The following CBLB variants were observed in gnomAD, a reference collection of about 807,000 sequenced individuals.
CBLB encodes E3 ubiquitin-protein ligase CBL-B.
In CBLB, 31 loss-of-function variants were observed where a neutral mutation model predicts 104.9. The ratio of observed to expected loss-of-function variants is 0.30; its 90% CI spans 0.22 to 0.40. The LOEUF is 0.40. Ranked by LOEUF, CBLB falls within the 10% of genes least tolerant of loss-of-function variation. The probability of loss-of-function intolerance (pLI) is 1.00; values close to 1 mark genes in which losing one functional copy is unlikely to be tolerated. For synonymous variants in CBLB, 440 were observed against 422.6 expected (o/e 1.04, Z -0.51); for missense variants, 1,062 against 1,214.6 (o/e 0.87, Z 1.87).
rs2072572121 is a variant in CBLB, at chr3:105,720,143, G to C, written c.1311C>G (p.Ser437Arg). 3.1e-6 allele frequency: 5 copies of C among 1,613,826 alleles called. No homozygotes were observed. Among genetic ancestry groups the C allele is most frequent in the Non-Finnish European group, 4.2e-6 (5 of 1,179,806 alleles). Reference protein sequence around the residue: ...DPRDEGSRCCSIIDPFGMPML... With the variant: ...DPRDEGSRCCRIIDPFGMPML... Reference sequence around the variant, plus strand: ...TCGGCATGCCAAAGGGGTCAATGATGCTGCAACACCTGGAGCCTTCATCTC... The same window carrying C: ...TCGGCATGCCAAAGGGGTCAATGATCCTGCAACACCTGGAGCCTTCATCTC... Residue 437 changes from serine (S) to arginine (R), a missense_variant, in exon 10 of 19, where the codon AGC becomes AGG. Ser to Arg is a moderately radical substitution (Grantham distance 110, BLOSUM62 -1). Coordinates refer to ENST00000394030, the MANE Select transcript of CBLB (RefSeq NM_170662.5).
At chr3:105,669,369 T>G (rs2064826719) in intron 18 of CBLB, among the ~76,000 whole-genome samples, 2 of 152,150 alleles carry the variant, frequency 1.3e-5, no homozygotes, top group African/African-American at 4.8e-5. Flanking sequence ...ATGAAGGCAG[T>G]TATCTATGAA....
At chr3:105,786,993 C>T (rs558828372) in intron 3 of CBLB, among the ~76,000 whole-genome samples, 4 of 152,172 alleles carry the variant, frequency 2.6e-5, no homozygotes, top group East Asian at 1.9e-4. Flanking sequence ...ATTTAGATGT[C>T]AATGGTCTCA....
chr3:105,828,164 G>T (rs2153072193), intron 3 of CBLB, among the ~76,000 whole-genome samples: 1 of 152,322 alleles, frequency 6.6e-6, no homozygotes, highest in East Asian at 1.9e-4. Context: ...GCAGGAAAAA[G>T]GGGAATGAGC....
chr3:105,820,074 G>C (rs1243830105), intron 3 of CBLB, among the ~76,000 whole-genome samples: 1 of 152,148 alleles, frequency 6.6e-6, no homozygotes, highest in Non-Finnish European at 1.5e-5. Flanking sequence ...TTGTTTTCCT[G>C]AAACTAGATG....
Position 105,720,029 on chromosome 3 carries a change from C to A in CBLB, c.1407+18G>T. 6.4e-7 allele frequency: 1 copy of A among 1,568,002 alleles called. No individual in the cohort carries two copies. Among genetic ancestry groups the A allele is most frequent in the Non-Finnish European group, 8.8e-7 (1 of 1,138,004 alleles). On this transcript the variant is annotated intron_variant, in intron 10 of 18. Transcript: ENST00000394030. ...TATGGTCACATCACCTTAACTAAAC[C>A]CATGTTTCTAGTTTTACCTTTCGGA...
chr3:105,856,382 A>G lies in CBLB; in HGVS notation c.169-2718T>C, dbSNP rs368363261. ...AAAAAAAAAAAAGAAAAGGAAAAAA[A>G]AAAGAAATCACTGGGGATCAGGGTT... On this transcript the variant is annotated intron_variant, in intron 2 of 18. Coordinates refer to ENST00000394030, the MANE Select transcript of CBLB (RefSeq NM_170662.5). Among the ~76,000 whole-genome samples the G allele has an allele frequency of 1.4e-4, 21 of 151,934 alleles. 1 individual carries two copies. In the East Asian group the frequency reaches 2.5e-3, roughly 18 times the overall value.
At chr3:105,711,629 C>A (rs1048220325) in intron 10 of CBLB, among the ~76,000 whole-genome samples, 1 of 152,096 alleles carries the variant, frequency 6.6e-6, no homozygotes, top group Non-Finnish European at 1.5e-5. Flanking sequence ...GCAATACAAT[C>A]ATTTCCTGGT....
intron 13 of CBLB, among the ~76,000 whole-genome samples, chr3:105,692,418 G>A (rs906845106): frequency 6.6e-6 from 1 of 152,086 alleles, no homozygotes; most frequent in Non-Finnish European, 1.5e-5. Context: ...GAAGAGGAAT[G>A]TAAATCAGTC....
At chr3:105,829,013 A>G (rs2087010034) in intron 3 of CBLB, among the ~76,000 whole-genome samples, 1 of 152,070 alleles carries the variant, frequency 6.6e-6, no homozygotes, top group African/African-American at 2.4e-5. Flanking sequence ...AATTTGCCAC[A>G]ATTCTTTTTA....
intron 3 of CBLB, among the ~76,000 whole-genome samples, chr3:105,821,801 CCT>C (rs1205251652): frequency 1.3e-5 from 2 of 152,134 alleles, no homozygotes; most frequent in African/African-American, 2.4e-5. Context: ...ACTTCTTTTC[CCT>C]CCTACCTCAG....
intron 3 of CBLB, 128 bp downstream of exon 3, chr3:105,853,283 TACC>T: frequency 1.2e-6 from 1 of 869,340 alleles, no homozygotes; most frequent in Non-Finnish European, 1.9e-6. Flanking sequence ...CATCGTTAAG[TACC>T]ACATGACTAT....
At chr3:105,862,321 G>A (rs1315636352) in intron 2 of CBLB, among the ~76,000 whole-genome samples, 2 of 152,056 alleles carry the variant, frequency 1.3e-5, no homozygotes. Flanking sequence ...AAACTAACCC[G>A]CACACTTCCT....
intron 6 of CBLB, among the ~76,000 whole-genome samples, chr3:105,741,048 C>G (rs977721932): frequency 6.8e-6 from 1 of 146,916 alleles, no homozygotes; most frequent in Non-Finnish European, 1.5e-5. Context: ...CCAGTTTCTA[C>G]TGTAGAACTC....
At chr3:105,820,639 A>G (rs1221893959) in intron 3 of CBLB, among the ~76,000 whole-genome samples, 1 of 152,168 alleles carries the variant, frequency 6.6e-6, no homozygotes, top group Admixed American at 6.5e-5. Flanking sequence ...AACCCCTCCC[A>G]TAATTAAGTT....
At chr3:105,724,566 G>T (rs927718879) in intron 9 of CBLB, among the ~76,000 whole-genome samples, 1 of 152,060 alleles carries the variant, frequency 6.6e-6, no homozygotes, top group Non-Finnish European at 1.5e-5. Flanking sequence ...AAAAATTCCA[G>T]TTGGCATAAT....
intron 4 of CBLB, among the ~76,000 whole-genome samples, chr3:105,759,639 G>C (rs1206317628): frequency 6.6e-6 from 1 of 152,224 alleles, no homozygotes; most frequent in Non-Finnish European, 1.5e-5. Flanking sequence ...CACCCAGCCA[G>C]GTCACAACAG....
intron 4 of CBLB, among the ~76,000 whole-genome samples, chr3:105,768,265 G>C (rs1384774014): frequency 5.3e-5 from 8 of 152,120 alleles, no homozygotes; most frequent in African/African-American, 1.7e-4. Flanking sequence ...AAAATTATGA[G>C]CAATATTATC....
chr3:105,865,423 AC>A (rs2092371276), intron 2 of CBLB, among the ~76,000 whole-genome samples: 1 of 152,108 alleles, frequency 6.6e-6, no homozygotes, highest in African/African-American at 2.4e-5. Flanking sequence ...ATTTGCCAAC[AC>A]CCGCACCCAC....
At chr3:105,792,871 T>A (rs534956854) in intron 3 of CBLB, among the ~76,000 whole-genome samples, 2,655 of 152,200 alleles carry the variant, frequency 0.017, 67 homozygotes, top group African/African-American at 0.06. Flanking sequence ...TCTAGTTCTA[T>A]CCTTAAGGTC....
Sources: allele counts gnomAD v4.1 joint callset (sites outside exome capture counted in the v4.1 genomes callset), GRCh38; gene constraint gnomAD v4.1.1; transcripts MANE v1.5; gene names NCBI Gene and HGNC (gene_info 2026-07-23, HGNC 2026-07-21).